Variants in HHAT observed in about 807,000 individuals in gnomAD.
HHAT encodes the protein hedgehog acyltransferase.
HHAT carries 47 observed loss-of-function variants against 70.8 expected under a neutral mutation model. That is an observed-to-expected ratio of 0.66 (90% CI 0.53 to 0.85). HHAT has a LOEUF of 0.85. Among genes scored for constraint, HHAT ranks in the 40% least tolerant of loss-of-function variants. The probability of loss-of-function intolerance (pLI) is 0.00; values close to 1 mark genes in which losing one functional copy is unlikely to be tolerated. For synonymous variants in HHAT, 228 were observed against 247.6 expected (o/e 0.92, Z 0.74); for missense variants, 609 against 604.8 (o/e 1.01, Z -0.07).
At chr1:210,488,757 G>C (rs2094508949) in intron 8 of HHAT, among the ~76,000 whole-genome samples, 1 of 152,152 alleles carries the variant, frequency 6.6e-6, no homozygotes, top group Admixed American at 6.6e-5. Context: ...GTAGAGCTTG[G>C]TGGTACACAC....
chr1:210,449,657 G>A (rs2093708165), intron 7 of HHAT, among the ~76,000 whole-genome samples: 1 of 152,222 alleles, frequency 6.6e-6, no homozygotes, highest in South Asian at 2.1e-4. Context: ...GAGAAGCTGA[G>A]TGTTCCAGTC....
rs71146226 is a variant in HHAT at position 210,494,542 on chromosome 1, C to CTTTTTTTTTT, written c.1008-18593_1008-18584dup. Among the ~76,000 whole-genome samples, 99 of 82,844 alleles carry CTTTTTTTTTT rather than the reference C, an allele frequency of 1.2e-3. 4 individuals carry two copies. The highest frequency in any genetic ancestry group is 1.7e-3 in the African/African-American group (33 of 19,654). 54.3% of individuals were successfully genotyped at this position (82,844 alleles called of 152,430 possible). On this transcript the variant is annotated intron_variant, in intron 8 of 11. Coordinates refer to ENST00000261458, the MANE Select transcript of HHAT (RefSeq NM_018194.6). ...AGATCAGGAGTTCAGTTTGAAATAG[C>CTTTTTTTTTT]TTTTTTTTTTTTTTTTTTTTTTTTT...
At chr1:210,438,558 T>C (rs2093432853) in intron 7 of HHAT, among the ~76,000 whole-genome samples, 1 of 151,800 alleles carries the variant, frequency 6.6e-6, no homozygotes, top group Non-Finnish European at 1.5e-5. Context: ...GCATCTGGTA[T>C]ACCTGCCACT....
intron 11 of HHAT, among the ~76,000 whole-genome samples, chr1:210,665,623 G>A (rs1678726962): frequency 6.6e-6 from 1 of 152,212 alleles, no homozygotes; most frequent in African/African-American, 2.4e-5. Context: ...GAGGGAGGAA[G>A]TTAAGGCAGT....
In HHAT at chr1:210,349,026, C is replaced by G. The variant is rs141741088; in HGVS notation, c.51C>G (p.Phe17Leu). 4 of 1,613,962 alleles carry G rather than the reference C, an allele frequency of 2.5e-6. No homozygotes were observed. The South Asian group carries it at 4.4e-5, about 18-fold the overall frequency. ...LALYLLASLG[F>L]HFYSFYEVYK... ...TTTACCTACTTGCCTCACTAGGCTTCCACTTCTATTCCTTCTATGAAGTTT... is the reference window on the plus strand; with the variant it reads ...TTTACCTACTTGCCTCACTAGGCTTGCACTTCTATTCCTTCTATGAAGTTT... Residue 17 changes from phenylalanine (F) to leucine (L), a missense_variant, in exon 2 of 12, where the codon TTC becomes TTG. Transcript: ENST00000261458.
intron 9 of HHAT, among the ~76,000 whole-genome samples, chr1:210,553,800 C>A (rs1254366722): frequency 6.6e-6 from 1 of 152,222 alleles, no homozygotes; most frequent in Non-Finnish European, 1.5e-5. Context: ...CTCCCTCTCT[C>A]CCTCTTCCCA....
At chr1:210,640,263 T>C (rs1313854488) in intron 11 of HHAT, among the ~76,000 whole-genome samples, 2 of 152,232 alleles carry the variant, frequency 1.3e-5, no homozygotes, top group African/African-American at 4.8e-5. Flanking sequence ...AACTAACTTA[T>C]CCAAATAATC....
chr1:210,441,051 T>C (rs1347111562), intron 7 of HHAT, among the ~76,000 whole-genome samples: 1 of 152,178 alleles, frequency 6.6e-6, no homozygotes, highest in Admixed American at 6.5e-5. Context: ...TTTGTGAGGA[T>C]GCCACCCCCT....
At chr1:210,358,311 A>G (rs1329973885) in intron 2 of HHAT, among the ~76,000 whole-genome samples, 1 of 152,262 alleles carries the variant, frequency 6.6e-6, no homozygotes, top group African/African-American at 2.4e-5. Context: ...CTGCAGACTC[A>G]GAATTTCTCA....
intron 3 of HHAT, among the ~76,000 whole-genome samples, chr1:210,382,061 C>T (rs1572040442): frequency 6.6e-6 from 1 of 152,166 alleles, no homozygotes; most frequent in Non-Finnish European, 1.5e-5. Flanking sequence ...CACAGTACTC[C>T]AGCTAAGAGG....
At chr1:210,495,640 A>G (rs190148060) in intron 8 of HHAT, among the ~76,000 whole-genome samples, 3 of 152,326 alleles carry the variant, frequency 2.0e-5, no homozygotes, top group African/African-American at 7.2e-5. Flanking sequence ...TGTTACAACT[A>G]ATGCCTATTG....
chr1:210,442,727 G>A (rs2093549478), intron 7 of HHAT, among the ~76,000 whole-genome samples: 1 of 152,150 alleles, frequency 6.6e-6, no homozygotes, highest in Non-Finnish European at 1.5e-5. Context: ...ATTTGTTTGA[G>A]TTCATTGTAG....
intron 7 of HHAT, among the ~76,000 whole-genome samples, chr1:210,451,603 G>A (rs182306169): frequency 4.4e-4 from 67 of 152,212 alleles, no homozygotes; most frequent in African/African-American, 1.6e-3. Context: ...TTTAGAGACA[G>A]GGTTTCACCC....
chr1:210,657,953 A>C (rs904176484), intron 11 of HHAT, among the ~76,000 whole-genome samples: 26 of 152,210 alleles, frequency 1.7e-4, no homozygotes, highest in African/African-American at 5.8e-4. Context: ...TCTTGATCAG[A>C]GGTTTTGCCA....
chr1:210,512,179 G>C (rs546003255), intron 8 of HHAT, among the ~76,000 whole-genome samples: 1 of 152,278 alleles, frequency 6.6e-6, no homozygotes, highest in African/African-American at 2.4e-5. Flanking sequence ...CTAGCGCATG[G>C]AGTTGCAGCT....
chr1:210,405,162 A>G (rs942997683), intron 6 of HHAT, among the ~76,000 whole-genome samples: 4 of 152,124 alleles, frequency 2.6e-5, no homozygotes, highest in African/African-American at 9.7e-5. Flanking sequence ...AGGTGTGAAA[A>G]CAGAGTGGAG....
chr1:210,438,174 T>TG (rs2093423657), intron 7 of HHAT, among the ~76,000 whole-genome samples: 2 of 149,578 alleles, frequency 1.3e-5, no homozygotes, highest in East Asian at 2.0e-4. Flanking sequence ...TTCTCCGTGT[T>TG]TGTGTGTGTG....
At chr1:210,569,985 C>G (rs1301988639) in intron 9 of HHAT, among the ~76,000 whole-genome samples, 2 of 152,190 alleles carry the variant, frequency 1.3e-5, no homozygotes, top group Non-Finnish European at 2.9e-5. Flanking sequence ...TAGGCACATT[C>G]CTTTCACAAA....
intron 9 of HHAT, among the ~76,000 whole-genome samples, chr1:210,577,792 T>C (rs1658235991): frequency 6.6e-6 from 1 of 151,862 alleles, no homozygotes; most frequent in Admixed American, 6.6e-5. Context: ...ATTACAGGCA[T>C]GCACCACCAC....
Sources: gnomAD v4.1 joint callset for allele counts (sites outside exome capture counted in the v4.1 genomes callset) on GRCh38, gnomAD v4.1.1 for gene constraint, MANE v1.5 for transcripts, NCBI Gene and HGNC (gene_info 2026-07-23, HGNC 2026-07-21) for gene names.